Variants in DHDDS observed in about 807,000 individuals in gnomAD.
DHDDS encodes dehydrodolichyl diphosphate synthase subunit, also known as dehydrodolichyl diphosphate synthase complex subunit DHDDS.
DHDDS carries 16 observed loss-of-function variants against 46.2 expected under a neutral mutation model. The ratio of observed to expected loss-of-function variants is 0.35; its 90% confidence interval spans 0.23 to 0.53. The LOEUF is 0.53. DHDDS is among the 20% of genes least tolerant of loss of function. The pLI is 0.94. For synonymous variants in DHDDS, 151 were observed against 163.1 expected (o/e 0.93, Z 0.56); for missense variants, 340 against 423.7 (o/e 0.80, Z 1.73).
chr1:26,457,959 C>T (rs2075387237), intron 7 of DHDDS, 54 bp downstream of exon 7: 3 of 1,486,844 alleles, frequency 2.0e-6, no homozygotes, highest in Admixed American at 3.3e-5. Context: ...CCAACTGTAT[C>T]CACAGAATGG....
chr1:26,460,243 A>T (rs1240778103), intron 8 of DHDDS, 99 bp downstream of exon 8: 3 of 962,186 alleles, frequency 3.1e-6, no homozygotes, highest in Non-Finnish European at 5.1e-6. Context: ...CTTCCTAATA[A>T]GATGATGATA....
chr1:26,435,942 G>A (rs2075150060), intron 2 of DHDDS, among the ~76,000 whole-genome samples: 1 of 152,074 alleles, frequency 6.6e-6, no homozygotes, highest in African/African-American at 2.4e-5. Context: ...TAGAGATGGG[G>A]TTTCAACATG....
At chr1:26,451,933 G>C (rs753004547) in intron 6 of DHDDS, among the ~76,000 whole-genome samples, 1 of 151,978 alleles carries the variant, frequency 6.6e-6, no homozygotes, top group Non-Finnish European at 1.5e-5. Context: ...ATTTAGTAGA[G>C]ATGGGATTTC....
chr1:26,463,954 T>C (rs2075452817), intron 8 of DHDDS, among the ~76,000 whole-genome samples: 1 of 151,894 alleles, frequency 6.6e-6, no homozygotes, highest in African/African-American at 2.4e-5. Flanking sequence ...GGTCAACTAT[T>C]AAGTGTTCCA....
At chr1:26,440,008 C>T (rs766295793) in intron 3 of DHDDS, among the ~76,000 whole-genome samples, 1 of 147,266 alleles carries the variant, frequency 6.8e-6, no homozygotes, top group Non-Finnish European at 1.5e-5. Context: ...GGCGTGGTGG[C>T]GGGCACCTGT....
chr1:26,442,843 G>A lies in DHDDS; in HGVS notation c.293G>A (p.Arg98Gln), dbSNP rs752459219. 17 of 1,613,946 alleles carry A rather than the reference G, an allele frequency of 1.1e-5. No individual in the cohort carries two copies. Among genetic ancestry groups the A allele is most frequent in the Middle Eastern group, 1.6e-4 (1 of 6,082 alleles). Residue 98 changes from arginine to glutamine, a missense_variant, in exon 4 of 9, where the codon CGG becomes CAG. By Grantham distance (43) the Arg-to-Gln change is conservative. This residue lies in a region of DHDDS where 268 missense variants were observed against 300.3 expected (regional missense o/e 0.89). Coordinates refer to ENST00000236342, the MANE Select transcript of DHDDS (RefSeq NM_205861.3). ...GTAGACGGGCTTATGGATCTGGCCC[G>A]GCAGAAGTTCAGCCGCTTGATGGAA... ...SEVDGLMDLA[R>Q]QKFSRLMEEK...
chr1:26,437,163 C>T (rs2075167970), intron 2 of DHDDS, among the ~76,000 whole-genome samples: 1 of 151,768 alleles, frequency 6.6e-6, no homozygotes, highest in South Asian at 2.1e-4. Context: ...GAGCGAGACT[C>T]CTTCTCAAAA....
At chr1:26,432,650 A>C (rs2075115593) in intron 1 of DHDDS, 2 of 462,754 alleles carry the variant, frequency 4.3e-6, no homozygotes, top group Admixed American at 6.8e-5. Context: ...AAGTCAGTGC[A>C]GATACGGAGG....
Position 26,457,863 on chromosome 1 carries a change from G to C in DHDDS, c.615G>C (p.Arg205=). The C allele has an allele frequency of 6.2e-7, 1 of 1,613,984 alleles. No homozygotes were observed. The highest frequency in any genetic ancestry group is 1.7e-5 in the Admixed American group (1 of 59,998). ...NRSPHPDILI[R]TSGEVRLSDF... The stretch of plus-strand genomic sequence containing the variant: ...CTCCTCATCCTGACATCTTGATACG[G>C]ACTTCTGGAGAAGTGCGGCTGAGTG... Residue 205 remains arginine (R), a synonymous_variant, in exon 7 of 9, where the codon CGG becomes CGC. Coordinates refer to ENST00000236342, the MANE Select transcript of DHDDS (RefSeq NM_205861.3).
intron 5 of DHDDS, among the ~76,000 whole-genome samples, chr1:26,446,924 T>C (rs530465468): frequency 2.6e-5 from 4 of 152,368 alleles, no homozygotes; most frequent in Admixed American, 2.6e-4. Context: ...ATTTTGGCAG[T>C]GGACTTGTTT....
chr1:26,443,017 G>A, intron 4 of DHDDS, 144 bp downstream of exon 4: 1 of 1,381,346 alleles, frequency 7.2e-7, no homozygotes. Context: ...GCAAATATCA[G>A]AAATACAAGA....
chr1:26,463,654 G>C (rs973812104), intron 8 of DHDDS, among the ~76,000 whole-genome samples: 7 of 152,034 alleles, frequency 4.6e-5, no homozygotes, highest in African/African-American at 1.7e-4. Context: ...TTACAGGCAT[G>C]TGCCACCACA....
At chr1:26,445,177 G>T (rs980430859) in intron 4 of DHDDS, among the ~76,000 whole-genome samples, 5 of 152,196 alleles carry the variant, frequency 3.3e-5, no homozygotes, top group Admixed American at 2.6e-4. Context: ...TCAGAGGTTG[G>T]TGTAAGGATG....
chr1:26,457,738 A>C, intron 6 of DHDDS, 53 bp from the exon 7 acceptor site: 1 of 1,386,880 alleles, frequency 7.2e-7, no homozygotes, highest in South Asian at 1.2e-5. Flanking sequence ...ACACTACAGA[A>C]AGAGAATACT....
At chr1:26,451,222 G>T (rs2075315689) in intron 6 of DHDDS, among the ~76,000 whole-genome samples, 1 of 152,134 alleles carries the variant, frequency 6.6e-6, no homozygotes, top group Non-Finnish European at 1.5e-5. Flanking sequence ...GCTCAGACTG[G>T]GCTAATCAGG....
intron 6 of DHDDS, among the ~76,000 whole-genome samples, chr1:26,452,993 G>A (rs753512087): frequency 1.3e-5 from 2 of 152,054 alleles, no homozygotes; most frequent in Non-Finnish European, 2.9e-5. Flanking sequence ...TTGGGAGGCT[G>A]AGTGAGGAGG....
chr1:26,465,370 C>T (rs1268828392), intron 8 of DHDDS, among the ~76,000 whole-genome samples: 1 of 152,126 alleles, frequency 6.6e-6, no homozygotes, highest in Non-Finnish European at 1.5e-5. Flanking sequence ...TATATGTATG[C>T]ATGTGGAAAT....
chr1:26,451,960 T>G (rs543546365), intron 6 of DHDDS, among the ~76,000 whole-genome samples: 6 of 152,234 alleles, frequency 3.9e-5, no homozygotes, highest in African/African-American at 1.4e-4. Flanking sequence ...TTGACCAGGC[T>G]GATCTCGAAC....
intron 6 of DHDDS, chr1:26,455,076 C>T: frequency 5.8e-6 from 5 of 863,332 alleles, no homozygotes; most frequent in South Asian, 5.3e-5. Context: ...ATATGCATAC[C>T]CTTGATGGCC....
Sources: gnomAD v4.1 joint callset for allele counts (sites outside exome capture counted in the v4.1 genomes callset) on GRCh38, gnomAD v4.1.1 for gene constraint, gnomAD v4.1.1 regional missense constraint, MANE v1.5 for transcripts, NCBI Gene and HGNC (gene_info 2026-07-23, HGNC 2026-07-21) for gene names.